The following TBCD variants were observed in gnomAD, a reference collection of about 807,000 sequenced individuals.
The protein encoded by TBCD is tubulin folding cofactor D, also known as tubulin-specific chaperone D.
A neutral mutation model predicts 169.3 loss-of-function variants in TBCD; 105 were observed. The observed-to-expected ratio is 0.62, with a 90% CI of 0.53 to 0.73. The LOEUF (loss-of-function observed/expected upper bound fraction) is 0.73, where lower values mean the gene tolerates loss of function less well. Ranked by LOEUF, TBCD falls within the 30% of genes least tolerant of loss-of-function variation. The probability of loss-of-function intolerance (pLI) is 0.00; values close to 1 mark genes in which losing one functional copy is unlikely to be tolerated. For missense variants in TBCD, 1,444 were observed against 1,600.1 expected (o/e 0.90, Z 1.66); for synonymous variants, 700 against 643.9 (o/e 1.09, Z -1.32).
At chr17:82,839,354 T>C (rs566496996) in intron 13 of TBCD, among the ~76,000 whole-genome samples, 5 of 151,562 alleles carry the variant, frequency 3.3e-5, no homozygotes, top group Non-Finnish European at 7.4e-5. Context: ...CACACACACA[T>C]ATATATAACC....
At chr17:82,899,748 C>T (rs1049295263) in intron 17 of TBCD, among the ~76,000 whole-genome samples, 4 of 152,220 alleles carry the variant, frequency 2.6e-5, no homozygotes, top group Non-Finnish European at 4.4e-5. Context: ...TTCACCAGAA[C>T]GTATGCAGCC....
At chr17:82,906,565 G>C (rs2060263211) in intron 20 of TBCD, among the ~76,000 whole-genome samples, 1 of 152,258 alleles carries the variant, frequency 6.6e-6, no homozygotes, top group Admixed American at 6.5e-5. Flanking sequence ...TTGTGTGCAG[G>C]AGGCTGTAAG....
At chr17:82,870,010 T>C (rs1340253380) in intron 13 of TBCD, among the ~76,000 whole-genome samples, 1 of 152,174 alleles carries the variant, frequency 6.6e-6, no homozygotes, top group African/African-American at 2.4e-5. Context: ...GGATCTGAGT[T>C]GGTGAGCATG....
chr17:82,937,223 G>A (rs747761355), intron 34 of TBCD, 48 bp from the exon 35 acceptor site: 20 of 1,567,528 alleles, frequency 1.3e-5, no homozygotes, highest in Non-Finnish European at 3.5e-6. Flanking sequence ...TGTGCATCCC[G>A]GGGCTGCCTG....
chr17:82,810,107 C>T (rs1040875878), intron 12 of TBCD, among the ~76,000 whole-genome samples: 3 of 152,090 alleles, frequency 2.0e-5, no homozygotes, highest in African/African-American at 7.2e-5. Context: ...TCGGGTCTAC[C>T]CCTCGCCTAC....
chr17:82,818,203 ATGGT>A (rs2052099856), intron 13 of TBCD, among the ~76,000 whole-genome samples: 1 of 152,228 alleles, frequency 6.6e-6, no homozygotes, highest in Non-Finnish European at 1.5e-5. Context: ...TGACCTTCGC[ATGGT>A]TGGTTGGCCC....
chr17:82,918,203 C>T (rs945077133), intron 23 of TBCD: 1 of 152,504 alleles, frequency 6.6e-6, no homozygotes, highest in Non-Finnish European at 1.5e-5. Flanking sequence ...GGTTTCGTGG[C>T]TTCATGTGTG....
chr17:82,897,736 C>T (rs4986085), intron 17 of TBCD, among the ~76,000 whole-genome samples: 38,924 of 152,092 alleles, frequency 0.26, 5,001 homozygotes, highest in Middle Eastern at 0.31. Context: ...GGGGCTCCCC[C>T]GTTTTAGAAT....
chr17:82,898,718 C>T lies in TBCD; in HGVS notation c.1650-1933C>T, dbSNP rs141519950. ...GTTCGGCATATGTGTTGGTAGGGAT[C>T]GATTTCTTCTGTGGCTCTGGGTTTC... On this transcript the variant is annotated intron_variant, in intron 17 of 38. Transcript: ENST00000355528. Among the ~76,000 whole-genome samples, 515 of 151,956 alleles carry T rather than the reference C, an allele frequency of 3.4e-3. 7 individuals carry two copies. The highest frequency in any genetic ancestry group is 0.014 in the East Asian group (70 of 5,144).
Position 82,924,942 on chromosome 17 carries a change from A to C in TBCD, c.2264A>C (p.Glu755Ala), listed in dbSNP as rs1449093177. ...PGEADPAIQE[E>A]LITQYLAELR... Reference sequence around the variant, plus strand: ...CACACTCGTTGCTTCCTTTCAGAGGAGCTGATCACGCAGTACCTGGCTGAG... The same window carrying C: ...CACACTCGTTGCTTCCTTTCAGAGGCGCTGATCACGCAGTACCTGGCTGAG... Residue 755 changes from glutamate (E) to alanine (A), a missense_variant, in exon 27 of 39, where the codon GAG becomes GCG. Transcript: ENST00000355528. 6.4e-7 allele frequency: 1 copy of C among 1,560,110 alleles called. No individual in the cohort carries two copies. Among genetic ancestry groups the C allele is most frequent in the South Asian group, 1.2e-5 (1 of 84,572 alleles).
At chr17:82,814,780 T>C in intron 12 of TBCD, 60 bp from the exon 13 acceptor site, 1 of 1,549,660 alleles carries the variant, frequency 6.5e-7, no homozygotes, top group Non-Finnish European at 8.9e-7. Flanking sequence ...TGCCATGCTG[T>C]GGGCTTTGAA....
At chr17:82,878,884 T>A in intron 14 of TBCD, among the ~76,000 whole-genome samples, 1 of 152,174 alleles carries the variant, frequency 6.6e-6, no homozygotes, top group South Asian at 2.1e-4. Flanking sequence ...CATTCGCTCC[T>A]GCCAGTGTGG....
chr17:82,908,901 T>A (rs905530900), intron 21 of TBCD, among the ~76,000 whole-genome samples: 1 of 152,286 alleles, frequency 6.6e-6, no homozygotes, highest in African/African-American at 2.4e-5. Flanking sequence ...CATCACAACG[T>A]GGCTTTTAAG....
chr17:82,759,107 T>C (rs901831915), intron 2 of TBCD, among the ~76,000 whole-genome samples: 2 of 152,122 alleles, frequency 1.3e-5, no homozygotes, highest in Non-Finnish European at 1.5e-5. Context: ...CTTGAGCTCC[T>C]GGGATTAAGT....
At chr17:82,861,349 CG>C in intron 13 of TBCD, among the ~76,000 whole-genome samples, 1 of 83,980 alleles carries the variant, frequency 1.2e-5, no homozygotes, top group Non-Finnish European at 2.7e-5. Flanking sequence ...CGCTGGTTCA[CG>C]TCAGCCGCTG....
At chr17:82,860,149 T>A (rs1023477942) in intron 13 of TBCD, among the ~76,000 whole-genome samples, 17 of 152,250 alleles carry the variant, frequency 1.1e-4, no homozygotes, top group Admixed American at 3.3e-4. Context: ...AAGCCTTTAA[T>A]TCTCCCGAAT....
chr17:82,859,393 G>A (rs894550271), intron 13 of TBCD, among the ~76,000 whole-genome samples: 1 of 149,004 alleles, frequency 6.7e-6, no homozygotes, highest in Non-Finnish European at 1.5e-5. Flanking sequence ...GGGTCGTCTG[G>A]CCTGCCGGCT....
At chr17:82,909,349 T>C in intron 22 of TBCD, 42 bp downstream of exon 22, 1 of 1,490,830 alleles carries the variant, frequency 6.7e-7, no homozygotes. Flanking sequence ...TGTGTCCTAA[T>C]GAAGAACTGC....
chr17:82,907,882 C>A, intron 21 of TBCD, 61 bp downstream of exon 21: 1 of 1,550,568 alleles, frequency 6.4e-7, no homozygotes, highest in Non-Finnish European at 8.8e-7. Flanking sequence ...CCCCTTAGGG[C>A]CTCCCACCCT....
Sources: allele counts gnomAD v4.1 joint callset (sites outside exome capture counted in the v4.1 genomes callset), GRCh38; gene constraint gnomAD v4.1.1; transcripts MANE v1.5; gene names NCBI Gene and HGNC (gene_info 2026-07-23, HGNC 2026-07-21).